ZNF263: variants seen among roughly 807,000 people sequenced by gnomAD.
ZNF263 encodes zinc finger protein 263.
ZNF263 carries 49 observed loss-of-function variants against 63.1 expected under a neutral mutation model. That is an observed-to-expected ratio of 0.78 (90% CI 0.62 to 0.99). The LOEUF is 0.99. ZNF263 is among the 50% of genes least tolerant of loss of function. The pLI is 0.00. For synonymous variants in ZNF263, 352 were observed against 324.2 expected, an observed-to-expected ratio of 1.09 and a Z score of -0.92; for missense variants, 872 against 854.8, an observed-to-expected ratio of 1.02 and a Z score of -0.25.
At chr16:3,284,310 C>T (rs1021250617) in intron 1 of ZNF263, 105 bp downstream of exon 1, 234 of 1,397,086 alleles carry the variant, frequency 1.7e-4, no homozygotes, top group Non-Finnish European at 2.1e-4. Flanking sequence ...GTAGACCTTA[C>T]GTGGGGAAGA....
At position 3,284,136 on chromosome 16, in the gene ZNF263, G is replaced by T. The variant is rs145142755; in HGVS notation, c.318G>T (p.Pro106=). The T allele has an allele frequency of 1.3e-4, 212 of 1,603,902 alleles. 1 individual carries two copies. Among genetic ancestry groups the T allele is most frequent in the Middle Eastern group, 9.9e-4 (6 of 6,046 alleles). Residue 106 remains proline, a synonymous_variant, in exon 1 of 6, where the codon CCG becomes CCT. Coordinates refer to ENST00000219069, the MANE Select transcript of ZNF263 (RefSeq NM_005741.5). Reference sequence around the variant, plus strand: ...AGAGCAGGGTGCAGGAGCTGCATCCGGAGAGCGGCGAAGAAGCGGTGACCC... The same window carrying T: ...AGAGCAGGGTGCAGGAGCTGCATCCTGAGAGCGGCGAAGAAGCGGTGACCC... The part of the protein sequence containing the change: ...EIQSRVQELH[P]ESGEEAVTLV...
At chr16:3,288,802 C>T (rs190435636) in intron 5 of ZNF263, among the ~76,000 whole-genome samples, 169 of 152,252 alleles carry the variant, frequency 1.1e-3, no homozygotes, top group African/African-American at 3.9e-3. Flanking sequence ...TGCGCCACCA[C>T]GCCCAGCTAA....
At position 3,289,986 on chromosome 16, in the gene ZNF263, G is replaced by A. The variant is rs199582494; in HGVS notation, c.1480G>A (p.Glu494Lys). 12 of 1,614,038 alleles carry A rather than the reference G, an allele frequency of 7.4e-6. No individual in the cohort carries two copies. Among genetic ancestry groups the A allele is most frequent in the Non-Finnish European group, 9.3e-6 (11 of 1,180,042 alleles). ...TGGGGAGAAGCCCTACAAGTGCCCTGAGTGTGGGGAGATCTTTGCTCACAG... is the reference window on the plus strand; with the variant it reads ...TGGGGAGAAGCCCTACAAGTGCCCTAAGTGTGGGGAGATCTTTGCTCACAG... ...HTGEKPYKCP[E>K]CGEIFAHSSN... The change falls in exon 6 of 6, where the codon GAG becomes AAG. Residue 494 changes from glutamate (E) to lysine (K), a missense_variant. Physicochemically the swap from Glu to Lys is moderately conservative, Grantham distance 56. Coordinates refer to ENST00000219069, the MANE Select transcript of ZNF263 (RefSeq NM_005741.5).
chr16:3,288,981 A>G (rs1438988529), intron 5 of ZNF263, among the ~76,000 whole-genome samples: 1 of 152,128 alleles, frequency 6.6e-6, no homozygotes, highest in Non-Finnish European at 1.5e-5. Context: ...GGGCCGGCCC[A>G]GCACAGCTGC....
intron 1 of ZNF263, among the ~76,000 whole-genome samples, chr16:3,297,309 A>G (rs995943534): frequency 7.3e-5 from 11 of 151,704 alleles, no homozygotes; most frequent in South Asian, 2.1e-4. Context: ...AAAAAAAAAA[A>G]AGAGAAATTC....
chr16:3,299,048 T>C, intron 1 of ZNF263: 1 of 1,393,744 alleles, frequency 7.2e-7, no homozygotes, highest in Non-Finnish European at 9.4e-7. Flanking sequence ...CTACCAATTC[T>C]AGAATGGATT....
In ZNF263 at chr16:3,283,998, C is replaced by T. The variant is rs1289457401; in HGVS notation, c.180C>T (p.Ser60=). The T allele has an allele frequency of 1.2e-6, 2 of 1,613,898 alleles. No homozygotes were observed. Among genetic ancestry groups the T allele is most frequent in the South Asian group, 1.1e-5 (1 of 91,076 alleles). The change falls in exon 1 of 6, where the codon AGC becomes AGT. Residue 60 remains serine, a synonymous_variant. Coordinates refer to ENST00000219069, the MANE Select transcript of ZNF263 (RefSeq NM_005741.5). ...CAGCTGGTCCCCGGGAAGCCCTCAG[C>T]CGGCTCCAAGAGCTTTGCCATGGGT... is the stretch of plus-strand genomic sequence containing the variant. The part of the protein sequence containing the change: ...QEAAGPREAL[S]RLQELCHGWL...
Position 3,290,323 on chromosome 16 carries a change from C to T in ZNF263, c.1817C>T (p.Thr606Ile). 1 of 1,613,876 alleles carries T rather than the reference C, an allele frequency of 6.2e-7. No homozygotes were observed. Among genetic ancestry groups the T allele is most frequent in the Non-Finnish European group, 8.5e-7 (1 of 1,179,966 alleles). ...THTGEKPYKC[T>I]LCGENFSHRS... Reference sequence around the variant, plus strand: ...ACAGGAGAGAAACCGTATAAATGTACCCTTTGTGGGGAAAACTTCTCTCAT... The same window carrying T: ...ACAGGAGAGAAACCGTATAAATGTATCCTTTGTGGGGAAAACTTCTCTCAT... The change falls in exon 6 of 6, where the codon ACC becomes ATC. Residue 606 changes from threonine (T) to isoleucine (I), a missense_variant. Thr to Ile is a moderately conservative substitution (Grantham distance 89). Coordinates refer to ENST00000219069, the MANE Select transcript of ZNF263 (RefSeq NM_005741.5).
intron 4 of ZNF263, among the ~76,000 whole-genome samples, chr16:3,288,109 G>A (rs371068972): frequency 3.9e-5 from 6 of 151,944 alleles, no homozygotes; most frequent in East Asian, 1.9e-4. Context: ...AAAATTAGCC[G>A]GGTGTGGTGG....
At chr16:3,286,390 C>G in intron 4 of ZNF263, 1 of 407,968 alleles carries the variant, frequency 2.5e-6, no homozygotes, top group Non-Finnish European at 4.2e-6. Flanking sequence ...GCCATGTGCA[C>G]TTCCTAGGGC....
rs1172819324 is a variant in ZNF263 at position 3,286,146 on chromosome 16, C to T, written c.766C>T (p.Leu256=). Residue 256 remains leucine, a synonymous_variant, in exon 4 of 6, where the codon CTG becomes TTG. Coordinates refer to ENST00000219069, the MANE Select transcript of ZNF263 (RefSeq NM_005741.5). ...GGAGAGTTATGAGAATGTGGACTCACTGGGTAAGGACTTCTTTTCCAGGGA... is the reference window on the plus strand; with the variant it reads ...GGAGAGTTATGAGAATGTGGACTCATTGGGTAAGGACTTCTTTTCCAGGGA... ...VQESYENVDS[L]ESHIPSQEVP... 4 of 1,588,942 alleles carry T rather than the reference C, an allele frequency of 2.5e-6. No homozygotes were observed. The highest frequency in any genetic ancestry group is 2.7e-5 in the African/African-American group (2 of 73,300).
intron 1 of ZNF263, among the ~76,000 whole-genome samples, chr16:3,298,294 T>A (rs1179743656): frequency 6.6e-6 from 1 of 152,258 alleles, no homozygotes; most frequent in African/African-American, 2.4e-5. Context: ...CCTTATGTAT[T>A]TGAAAAGGGA....
At position 3,285,121 on chromosome 16, in the gene ZNF263, A is replaced by C. The variant is rs1054356048; in HGVS notation, c.450A>C (p.Ala150=). The C allele has an allele frequency of 6.2e-7, 1 of 1,614,078 alleles. No homozygotes were observed. The highest frequency in any genetic ancestry group is 1.3e-5 in the African/African-American group (1 of 74,952). The part of the protein sequence containing the change: ...LLEEPLPLET[A]RESPSFKLEP... Reference sequence around the variant, plus strand: ...AGGAGCCTTTGCCTCTGGAAACAGCACGAGAGTCACCGAGCTTCAAGCTGG... The same window carrying C: ...AGGAGCCTTTGCCTCTGGAAACAGCCCGAGAGTCACCGAGCTTCAAGCTGG... The change falls in exon 2 of 6, where the codon GCA becomes GCC. Residue 150 remains alanine, a synonymous_variant. Coordinates refer to ENST00000219069, the MANE Select transcript of ZNF263 (RefSeq NM_005741.5).
chr16:3,283,663 G>A lies in ZNF263; in HGVS notation c.-156G>A. The A allele has an allele frequency of 8.0e-7, 1 of 1,247,536 alleles. No homozygotes were observed. Among genetic ancestry groups the A allele is most frequent in the Non-Finnish European group, 1.0e-6 (1 of 982,890 alleles). The allele number at this position is 1,247,536 out of a possible 1,614,324, so 77.3% of individuals were successfully genotyped here. Reference sequence around the variant, plus strand: ...GACCGACTGAGGCCTAGGCGCCGGAGCCGGCCGCGCCTGGGCTGGAGCGGG... The same window carrying A: ...GACCGACTGAGGCCTAGGCGCCGGAACCGGCCGCGCCTGGGCTGGAGCGGG... On this transcript the variant is annotated 5_prime_UTR_variant, in exon 1 of 6. Transcript: ENST00000219069.
chr16:3,284,207 T>TGA lies in ZNF263; in HGVS notation c.387+16_387+17dup, dbSNP rs142708827. The TGA allele has an allele frequency of 7.7e-5, 116 of 1,512,914 alleles. No individual in the cohort carries two copies. The highest frequency in any genetic ancestry group is 3.9e-4 in the South Asian group (30 of 76,772). The allele number at this position is 1,512,914 out of a possible 1,614,324, so 93.7% of individuals were successfully genotyped here. On this transcript the variant is annotated splice_region_variant and intron_variant, in intron 1 of 5. Transcript: ENST00000219069. ...GAGCTTGGGAGACTGAGACAACAGG[T>TGA]GAGAGAGAGAGAGAGCTGTTTTATC... is the stretch of plus-strand genomic sequence containing the variant.
At chr16:3,300,347 G>C in intron 2 of ZNF263, 8 of 1,614,224 alleles carry the variant, frequency 5.0e-6, no homozygotes, top group Non-Finnish European at 6.8e-6. Flanking sequence ...GAGCGTTTCT[G>C]TTGGTACCAC....
downstream of ZNF263, among the ~76,000 whole-genome samples, chr16:3,294,745 G>A (rs917213440): frequency 3.0e-4 from 46 of 152,102 alleles, 1 homozygote; most frequent in Admixed American, 2.9e-3. Flanking sequence ...TAATGTTATT[G>A]CTCTCAATTA....
At chr16:3,285,893 T>C in intron 3 of ZNF263, 130 bp from the exon 4 acceptor site, 1 of 1,551,668 alleles carries the variant, frequency 6.4e-7, no homozygotes, top group Non-Finnish European at 8.9e-7. Flanking sequence ...ACACCTCACT[T>C]GGAGGCCTGA....
rs1426024836 is a variant in ZNF263, at chr16:3,290,806, C to T, written c.*248C>T. On this transcript the variant is annotated 3_prime_UTR_variant, in exon 6 of 6. Coordinates refer to ENST00000219069, the MANE Select transcript of ZNF263 (RefSeq NM_005741.5). The stretch of plus-strand genomic sequence containing the variant: ...GGTGGAATTCTCTGTTAAGTCCACC[C>T]TGCCCCAGGGTGCTCCTACCCTCTT... 1 of 1,290,294 alleles carries T rather than the reference C, an allele frequency of 7.8e-7. No individual in the cohort carries two copies. Among genetic ancestry groups the T allele is most frequent in the Non-Finnish European group, 9.8e-7 (1 of 1,018,478 alleles). 79.9% of individuals were successfully genotyped at this position (1,290,294 alleles called of 1,614,324 possible).
Sources: allele counts gnomAD v4.1 joint callset (sites outside exome capture counted in the v4.1 genomes callset), GRCh38; gene constraint gnomAD v4.1.1; transcripts MANE v1.5; gene names NCBI Gene and HGNC (gene_info 2026-07-23, HGNC 2026-07-21).